RARB: variants seen among roughly 807,000 people sequenced by gnomAD.
The protein encoded by RARB is HBV-activated protein.
RARB carries 17 observed loss-of-function variants against 51.9 expected under a neutral mutation model. That is an observed-to-expected ratio of 0.33 (90% CI 0.22 to 0.49). The LOEUF (loss-of-function observed/expected upper bound fraction) is 0.49, where lower values mean the gene tolerates loss of function less well. Ranked by LOEUF, RARB falls within the 20% of genes least tolerant of loss-of-function variation. The pLI, the probability that RARB is intolerant of heterozygous loss-of-function variation, is 0.99. For synonymous variants in RARB, 215 were observed against 195.4 expected (o/e 1.10, Z -0.84); for missense variants, 369 against 550.8 (o/e 0.67, Z 3.30).
At chr3:25,269,068 T>C in intron 5 of RARB, among the ~76,000 whole-genome samples, 1 of 152,174 alleles carries the variant, frequency 6.6e-6, no homozygotes. Context: ...CAAAAGTAAT[T>C]ATGACCTTAT....
At chr3:25,427,894 A>AGGCGAGCGGGC (rs1708041319), upstream of RARB, among the ~76,000 whole-genome samples, 2 of 152,058 alleles carry the variant, frequency 1.3e-5, no homozygotes, top group South Asian at 4.2e-4. Context: ...GGTGGGCGGG[A>AGGCGAGCGGGC]GGCGAGCGGG....
intron 1 of RARB, among the ~76,000 whole-genome samples, chr3:25,443,301 T>C (rs1708780022): frequency 6.6e-6 from 1 of 152,000 alleles, no homozygotes; most frequent in South Asian, 2.1e-4. Flanking sequence ...CCTGAAAACA[T>C]GAGAGTGGAA....
At chr3:24,934,904 G>C (rs1259554620) in intron 2 of RARB, among the ~76,000 whole-genome samples, 1 of 152,036 alleles carries the variant, frequency 6.6e-6, no homozygotes, top group African/African-American at 2.4e-5. Context: ...AAAAGTTAAT[G>C]GTATTTTGGA....
At chr3:25,305,623 T>A (rs146645682) in intron 5 of RARB, among the ~76,000 whole-genome samples, 1 of 152,148 alleles carries the variant, frequency 6.6e-6, no homozygotes, top group African/African-American at 2.4e-5. Context: ...CCCACAGATA[T>A]CAGGCAGGCC....
chr3:25,116,223 C>G (rs1293010569), intron 3 of RARB, among the ~76,000 whole-genome samples: 1 of 152,164 alleles, frequency 6.6e-6, no homozygotes, highest in Non-Finnish European at 1.5e-5. Flanking sequence ...TATACTGCAG[C>G]AACCCAGGAG....
rs115672403 is a variant in RARB at position 25,495,284 on chromosome 3, T to C, written c.307-5898T>C. Reference sequence around the variant, plus strand: ...GGCCTAACCCAATTCCATATCAAAATATGCAGGAGGGAGGGAGATGAACCA... The same window carrying C: ...GGCCTAACCCAATTCCATATCAAAACATGCAGGAGGGAGGGAGATGAACCA... On this transcript the variant is annotated intron_variant, in intron 2 of 7. Transcript: ENST00000330688. 7.1e-3 allele frequency among the ~76,000 whole-genome samples: 1,085 copies of C among 152,274 alleles called. 12 individuals are homozygous for C. The highest frequency in any genetic ancestry group is 0.024 in the African/African-American group (1,001 of 41,546).
chr3:25,312,117 A>G (rs1302001672), intron 5 of RARB, among the ~76,000 whole-genome samples: 2 of 152,340 alleles, frequency 1.3e-5, no homozygotes, highest in East Asian at 3.9e-4. Context: ...CTACAAGGCA[A>G]TCATTTTTGA....
At chr3:25,411,460 G>C (rs527538708) in intron 5 of RARB, among the ~76,000 whole-genome samples, 1 of 152,172 alleles carries the variant, frequency 6.6e-6, no homozygotes, top group Non-Finnish European at 1.5e-5. Context: ...AGTATGTGGG[G>C]GTATGTAAGA....
At chr3:25,393,529 G>A (rs529890120) in intron 5 of RARB, among the ~76,000 whole-genome samples, 1 of 151,672 alleles carries the variant, frequency 6.6e-6, no homozygotes, top group South Asian at 2.1e-4. Context: ...ACTTTTTTTT[G>A]TTGGCAGTTT....
At chr3:25,295,163 C>G (rs1392611819) in intron 5 of RARB, among the ~76,000 whole-genome samples, 1 of 152,104 alleles carries the variant, frequency 6.6e-6, no homozygotes, top group Non-Finnish European at 1.5e-5. Context: ...GTGTTCAAAT[C>G]CTGGTTGTGC....
chr3:25,047,972 C>T (rs1698251733), intron 2 of RARB, among the ~76,000 whole-genome samples: 1 of 152,168 alleles, frequency 6.6e-6, no homozygotes, highest in South Asian at 2.1e-4. Context: ...GAATAAGTCT[C>T]ATGAGATCTG....
intron 1 of RARB, among the ~76,000 whole-genome samples, chr3:25,437,593 G>A (rs1302330286): frequency 6.6e-6 from 1 of 152,098 alleles, no homozygotes; most frequent in Non-Finnish European, 1.5e-5. Flanking sequence ...ATCTCCCCAT[G>A]TCTTTGAACC....
chr3:25,038,568 A>G (rs1195576826), intron 2 of RARB, among the ~76,000 whole-genome samples: 3 of 152,184 alleles, frequency 2.0e-5, no homozygotes, highest in Admixed American at 1.3e-4. Flanking sequence ...AGTGGTGCCA[A>G]GAAAGTGGCA....
rs539682674 is a variant in RARB at position 25,359,893 on chromosome 3, A to G, written c.179-101300A>G. On this transcript the variant is annotated intron_variant, in intron 5 of 11. Coordinates refer to the RARB transcript ENST00000383772. ...ATTTGCTGAGGAATGTTTTACTTCC[A>G]ATTATGTGGTTGATTTTAGAATAAG... 4.6e-5 allele frequency among the ~76,000 whole-genome samples: 7 copies of G among 152,274 alleles called. No homozygotes were observed. The South Asian group carries it at 1.5e-3, about 32-fold the overall frequency.
At chr3:25,520,797 G>A (rs1017534871) in intron 3 of RARB, among the ~76,000 whole-genome samples, 36 of 152,294 alleles carry the variant, frequency 2.4e-4, no homozygotes, top group African/African-American at 8.7e-4. Context: ...TCCAGCTCAT[G>A]ACAAACTTAT....
chr3:24,972,974 T>C (rs1002408722), intron 2 of RARB, among the ~76,000 whole-genome samples: 1 of 152,060 alleles, frequency 6.6e-6, no homozygotes, highest in Non-Finnish European at 1.5e-5. Flanking sequence ...ACGTTTTTAG[T>C]TTGATCTAAG....
chr3:24,874,910 G>A (rs985913249), intron 2 of RARB, among the ~76,000 whole-genome samples: 2 of 151,622 alleles, frequency 1.3e-5, no homozygotes, highest in African/African-American at 4.8e-5. Context: ...AAAGTTATAC[G>A]CTCATTTCCC....
At chr3:24,991,448 AAAAAAGAAAAAG>A (rs561018089) in intron 2 of RARB, among the ~76,000 whole-genome samples, 2,142 of 151,402 alleles carry the variant, frequency 0.014, 46 homozygotes, top group East Asian at 0.082. Context: ...TGTCTCAAAA[AAAAAAGAAAAAG>A]AAAAAGAAAA....
At chr3:25,122,779 C>T (rs1263056817) in intron 3 of RARB, among the ~76,000 whole-genome samples, 1 of 152,144 alleles carries the variant, frequency 6.6e-6, no homozygotes, top group Non-Finnish European at 1.5e-5. Flanking sequence ...ACATCTCAAT[C>T]TCAGCTGCAG....
Sources: allele counts gnomAD v4.1 joint callset (sites outside exome capture counted in the v4.1 genomes callset), GRCh38; gene constraint gnomAD v4.1.1; transcripts MANE v1.5; gene names NCBI Gene and HGNC (gene_info 2026-07-23, HGNC 2026-07-21).